The following CREG2 variants were observed in gnomAD, a reference collection of about 807,000 sequenced individuals.
The protein encoded by CREG2 is cellular repressor of E1A stimulated genes 2.
CREG2 carries 24 observed loss-of-function variants against 26.2 expected under a neutral mutation model. The ratio of observed to expected loss-of-function variants is 0.92; its 90% CI spans 0.66 to 1.29. The LOEUF (loss-of-function observed/expected upper bound fraction) is 1.29, where lower values mean the gene tolerates loss of function less well. CREG2 is among the 50% of genes most tolerant of loss of function. The pLI is 0.00. For synonymous variants in CREG2, 174 were observed against 169.2 expected, an observed-to-expected ratio of 1.03 and a Z score of -0.22; for missense variants, 366 against 398.6, an observed-to-expected ratio of 0.92 and a Z score of 0.70.
At chr2:101,365,553 G>T (rs185619593) in intron 2 of CREG2, among the ~76,000 whole-genome samples, 4 of 152,196 alleles carry the variant, frequency 2.6e-5, no homozygotes, top group Admixed American at 2.6e-4. Context: ...CCTATTCTTA[G>T]GGCACAGAAA....
intron 2 of CREG2, among the ~76,000 whole-genome samples, chr2:101,376,528 C>T (rs941394861): frequency 3.3e-5 from 5 of 152,280 alleles, no homozygotes; most frequent in African/African-American, 1.2e-4. Context: ...AATTTGCCTG[C>T]CTCGGCCTCC....
chr2:101,366,833 G>GAAT (rs1341689581), intron 2 of CREG2, among the ~76,000 whole-genome samples: 1 of 151,754 alleles, frequency 6.6e-6, no homozygotes, highest in African/African-American at 2.4e-5. Flanking sequence ...ATAATAATAA[G>GAAT]AATAATAATA....
chr2:101,354,669 C>G (rs1684428787), intron 3 of CREG2, among the ~76,000 whole-genome samples: 1 of 152,214 alleles, frequency 6.6e-6, no homozygotes, highest in Non-Finnish European at 1.5e-5. Context: ...CTTGCACAAG[C>G]TCTGACTCCA....
At chr2:101,362,093 G>A (rs777968546) in intron 2 of CREG2, among the ~76,000 whole-genome samples, 23 of 152,136 alleles carry the variant, frequency 1.5e-4, no homozygotes, top group Non-Finnish European at 2.1e-4. Context: ...TTCAGGGACC[G>A]GCACAACAGC....
rs1191830981 is a variant in CREG2, at chr2:101,350,314, C to T, written c.*609G>A. ...ATAGAGAAGGGCTATGCACAAAGCA[C>T]CCTATGTTCTTACACTGTTTTCATG... On this transcript the variant is annotated 3_prime_UTR_variant, in exon 4 of 4. Transcript: ENST00000324768. 4 of 152,340 alleles carry T rather than the reference C, an allele frequency of 2.6e-5. No homozygotes were observed. The highest frequency in any genetic ancestry group is 9.6e-5 in the African/African-American group (4 of 41,454). The allele number at this position is 152,340 out of a possible 1,614,324, so 9.4% of individuals were successfully genotyped here.
At chr2:101,372,520 A>G (rs1684724458) in intron 2 of CREG2, among the ~76,000 whole-genome samples, 1 of 152,178 alleles carries the variant, frequency 6.6e-6, no homozygotes, top group Non-Finnish European at 1.5e-5. Flanking sequence ...ATTTCTACAC[A>G]CTAGAGAACT....
Position 101,348,846 on chromosome 2 carries a change from A to G in CREG2, c.*2077T>C, listed in dbSNP as rs1013715437. The stretch of plus-strand genomic sequence containing the variant: ...AGCCTCTAACATTTTAATCAATGTA[A>G]ATTTCTAGAGATTTGCTGAAACACA... On this transcript the variant is annotated 3_prime_UTR_variant, in exon 4 of 4. Coordinates refer to ENST00000324768, the MANE Select transcript of CREG2 (RefSeq NM_153836.4). The G allele has an allele frequency of 6.6e-6, 1 of 152,158 alleles. No individual in the cohort carries two copies. The highest frequency in any genetic ancestry group is 1.5e-5 in the Non-Finnish European group (1 of 68,036). 9.4% of individuals were successfully genotyped at this position (152,158 alleles called of 1,614,324 possible). A position where few individuals can be genotyped will look rare whatever the true frequency, so the allele number is the denominator to read the frequency against.
chr2:101,382,850 G>C, intron 2 of CREG2: 2 of 985,480 alleles, frequency 2.0e-6, no homozygotes, highest in Non-Finnish European at 2.4e-6. Flanking sequence ...GCCATCCTGG[G>C]CATTTGCTGC....
chr2:101,373,124 T>C (rs1317753378), intron 2 of CREG2, among the ~76,000 whole-genome samples: 1 of 152,124 alleles, frequency 6.6e-6, no homozygotes, highest in African/African-American at 2.4e-5. Context: ...CAAAGTGAAA[T>C]GAAATCATAT....
intron 2 of CREG2, among the ~76,000 whole-genome samples, chr2:101,371,413 G>C (rs964068867): frequency 3.8e-4 from 58 of 152,234 alleles, no homozygotes; most frequent in Non-Finnish European, 7.3e-5. Context: ...TGGCTACAGG[G>C]AGAGCAGAGG....
intron 2 of CREG2, among the ~76,000 whole-genome samples, chr2:101,368,629 C>T (rs1684654396): frequency 6.6e-6 from 1 of 152,194 alleles, no homozygotes; most frequent in Non-Finnish European, 1.5e-5. Flanking sequence ...CAATGAAGTT[C>T]TGAGGGTCAA....
chr2:101,380,880 G>A (rs968355116), intron 2 of CREG2, among the ~76,000 whole-genome samples: 13 of 152,086 alleles, frequency 8.5e-5, no homozygotes, highest in Non-Finnish European at 1.9e-4. Flanking sequence ...GGAACTGGAG[G>A]TTGCAGTGAG....
intron 3 of CREG2, among the ~76,000 whole-genome samples, chr2:101,353,792 G>A (rs1169680393): frequency 6.6e-6 from 1 of 152,144 alleles, no homozygotes; most frequent in Non-Finnish European, 1.5e-5. Context: ...CCATAGAAAA[G>A]GATGAGTTCA....
At chr2:101,370,605 G>A (rs1433404419) in intron 2 of CREG2, among the ~76,000 whole-genome samples, 2 of 152,202 alleles carry the variant, frequency 1.3e-5, no homozygotes, top group Admixed American at 6.5e-5. Flanking sequence ...TGGATCAGGA[G>A]TACTCTGGCT....
intron 2 of CREG2, among the ~76,000 whole-genome samples, chr2:101,373,940 C>T (rs991658322): frequency 1.3e-5 from 2 of 152,364 alleles, no homozygotes; most frequent in Middle Eastern, 3.4e-3. Flanking sequence ...GATCGCTGCT[C>T]ACTGCAGCCT....
rs1346464441 is a variant in CREG2, at chr2:101,350,137, TC to T, written c.*785del. On this transcript the variant is annotated 3_prime_UTR_variant, in exon 4 of 4. Coordinates refer to ENST00000324768, the MANE Select transcript of CREG2 (RefSeq NM_153836.4). ...GCTTCACCCACTCCCCTCTCCGCTT[TC>T]CCCACCACAGAATGGAGAGCTTCTT... The T allele has an allele frequency of 6.6e-6, 1 of 152,246 alleles. No individual in the cohort carries two copies. The highest frequency in any genetic ancestry group is 2.4e-5 in the African/African-American group (1 of 41,434). The allele number at this position is 152,246 out of a possible 1,614,324, so 9.4% of individuals were successfully genotyped here. A position where few individuals can be genotyped will look rare whatever the true frequency, so the allele number is the denominator to read the frequency against.
intron 2 of CREG2, among the ~76,000 whole-genome samples, chr2:101,357,263 C>T (rs1204372294): frequency 1.3e-5 from 2 of 151,172 alleles, no homozygotes; most frequent in African/African-American, 2.4e-5. Flanking sequence ...CCTCAGGTAA[C>T]CCACCCGCCT....
chr2:101,385,222 G>T (rs748619295), intron 1 of CREG2, among the ~76,000 whole-genome samples: 2 of 151,948 alleles, frequency 1.3e-5, no homozygotes, highest in African/African-American at 2.4e-5. Context: ...TCTGTTTGTT[G>T]CCCAGGCTGG....
intron 3 of CREG2, among the ~76,000 whole-genome samples, chr2:101,351,338 C>T (rs745973702): frequency 1.3e-5 from 2 of 152,130 alleles, no homozygotes; most frequent in African/African-American, 4.8e-5. Context: ...TGAGCTGTGA[C>T]GCCAGTGGGC....
Sources: gnomAD v4.1 joint callset for allele counts (sites outside exome capture counted in the v4.1 genomes callset) on GRCh38, gnomAD v4.1.1 for gene constraint, MANE v1.5 for transcripts, NCBI Gene and HGNC (gene_info 2026-07-23, HGNC 2026-07-21) for gene names.